The following SCFD2 variants were observed in gnomAD, a reference collection of about 807,000 sequenced individuals.
SCFD2 encodes the protein sec1 family domain containing 2.
A neutral mutation model predicts 58.9 loss-of-function variants in SCFD2; 54 were observed. That is an observed-to-expected ratio of 0.92 (90% CI 0.74 to 1.15). The LOEUF (loss-of-function observed/expected upper bound fraction) is 1.15, where lower values mean the gene tolerates loss of function less well. SCFD2 is among the 50% of genes most tolerant of loss of function. SCFD2 has a pLI of 0.00. For synonymous variants in SCFD2, 321 were observed against 335.9 expected (o/e 0.96, Z 0.49); for missense variants, 805 against 836.6 (o/e 0.96, Z 0.47).
At chr4:53,254,209 C>G (rs567660583) in intron 4 of SCFD2, among the ~76,000 whole-genome samples, 11 of 152,206 alleles carry the variant, frequency 7.2e-5, no homozygotes, top group African/African-American at 2.4e-4. Context: ...AATCGTAATC[C>G]CCATAATCCT....
intron 5 of SCFD2, among the ~76,000 whole-genome samples, chr4:52,996,956 G>A (rs1721753687): frequency 6.6e-6 from 1 of 152,234 alleles, no homozygotes; most frequent in Non-Finnish European, 1.5e-5. Flanking sequence ...TTGGTTGCAT[G>A]TGTGCATCTA....
intron 5 of SCFD2, among the ~76,000 whole-genome samples, chr4:52,953,331 T>C (rs1720642630): frequency 6.6e-6 from 1 of 152,202 alleles, no homozygotes; most frequent in Non-Finnish European, 1.5e-5. Context: ...TTTATGCCAA[T>C]GACTGTGATT....
intron 4 of SCFD2, among the ~76,000 whole-genome samples, chr4:53,252,423 C>T (rs1398314467): frequency 6.6e-6 from 1 of 151,618 alleles, no homozygotes; most frequent in African/African-American, 2.4e-5. Context: ...GCCCGCATCG[C>T]CAAGTCAATC....
At chr4:52,946,765 G>A (rs748542032) in intron 5 of SCFD2, among the ~76,000 whole-genome samples, 8 of 152,090 alleles carry the variant, frequency 5.3e-5, no homozygotes, top group African/African-American at 9.7e-5. Flanking sequence ...TAGAACAAAG[G>A]ATTAGCATTA....
At chr4:53,357,988 A>G (rs1734447941) in intron 1 of SCFD2, among the ~76,000 whole-genome samples, 1 of 152,220 alleles carries the variant, frequency 6.6e-6, no homozygotes, top group Non-Finnish European at 1.5e-5. Context: ...CTTCAGTTTC[A>G]TCCGTAAAAT....
At chr4:53,071,338 G>A (rs1463132369) in intron 5 of SCFD2, among the ~76,000 whole-genome samples, 1 of 152,102 alleles carries the variant, frequency 6.6e-6, no homozygotes, top group African/African-American at 2.4e-5. Context: ...GTCACTCACA[G>A]CTGAGCCTAA....
intron 6 of SCFD2, among the ~76,000 whole-genome samples, chr4:52,913,861 C>T (rs1719543277): frequency 6.6e-6 from 1 of 152,206 alleles, no homozygotes; most frequent in Non-Finnish European, 1.5e-5. Context: ...ATCACTTCCA[C>T]CGCAGTTCAT....
intron 4 of SCFD2, among the ~76,000 whole-genome samples, chr4:53,244,820 GAA>G (rs57139765): frequency 2.5e-5 from 3 of 118,818 alleles, no homozygotes; most frequent in African/African-American, 3.0e-5. Context: ...GGGTATTTCT[GAA>G]AAAAAAAAAT....
At chr4:53,063,849 G>T (rs1723582474) in intron 5 of SCFD2, among the ~76,000 whole-genome samples, 1 of 151,968 alleles carries the variant, frequency 6.6e-6, no homozygotes, top group Admixed American at 6.6e-5. Context: ...CTTGGAAGAG[G>T]GTACCACTGG....
chr4:53,025,797 A>T (rs1339856494), intron 5 of SCFD2, among the ~76,000 whole-genome samples: 1 of 152,166 alleles, frequency 6.6e-6, no homozygotes, highest in African/African-American at 2.4e-5. Flanking sequence ...ATTTAACTGG[A>T]GTCACCTCAT....
At chr4:53,250,598 A>G (rs1730327079) in intron 4 of SCFD2, among the ~76,000 whole-genome samples, 1 of 152,224 alleles carries the variant, frequency 6.6e-6, no homozygotes, top group African/African-American at 2.4e-5. Flanking sequence ...ACTCACTCAA[A>G]ACTGCTCAAC....
chr4:53,026,005 A>AT (rs1003873921), intron 5 of SCFD2, among the ~76,000 whole-genome samples: 15 of 149,640 alleles, frequency 1.0e-4, no homozygotes, highest in Non-Finnish European at 1.6e-4. Context: ...ACGGTTTTTC[A>AT]TTTTTTTTTT....
intron 5 of SCFD2, among the ~76,000 whole-genome samples, chr4:52,991,936 C>G (rs1721620341): frequency 6.6e-6 from 1 of 152,112 alleles, no homozygotes; most frequent in South Asian, 2.1e-4. Flanking sequence ...TACATTTCCC[C>G]AAGCAGCCTT....
intron 5 of SCFD2, among the ~76,000 whole-genome samples, chr4:53,038,794 T>A (rs1722826315): frequency 6.6e-6 from 1 of 151,506 alleles, no homozygotes. Flanking sequence ...GCTCAAGCAA[T>A]CCTCCCACCT....
intron 4 of SCFD2, among the ~76,000 whole-genome samples, chr4:53,171,325 G>A (rs1727171098): frequency 6.6e-6 from 1 of 152,108 alleles, no homozygotes; most frequent in African/African-American, 2.4e-5. Context: ...TTTTCGATTT[G>A]CATATATTGA....
At chr4:52,975,775 A>G (rs972452320) in intron 5 of SCFD2, among the ~76,000 whole-genome samples, 2 of 152,154 alleles carry the variant, frequency 1.3e-5, no homozygotes, top group Admixed American at 1.3e-4. Flanking sequence ...AACCAACTCA[A>G]ATGTCCAACA....
rs534960180 is a variant in SCFD2, at chr4:53,194,420, A to G, written c.1312-48838T>C. On this transcript the variant is annotated intron_variant, in intron 4 of 8. Transcript: ENST00000401642. ...TTTAGAACCTATAATTATATAAGTT[A>G]TTGCTAGCAGTACATTTGTGCCTCA... Among the ~76,000 whole-genome samples the G allele has an allele frequency of 1.8e-4, 28 of 152,306 alleles. No homozygotes were observed. In the South Asian group the frequency reaches 5.6e-3, roughly 30 times the overall value.
chr4:53,348,536 A>C (rs1734124759), intron 2 of SCFD2, among the ~76,000 whole-genome samples: 1 of 152,172 alleles, frequency 6.6e-6, no homozygotes, highest in Admixed American at 6.5e-5. Context: ...AATTGAAAAA[A>C]ACTACCATTT....
intron 5 of SCFD2, among the ~76,000 whole-genome samples, chr4:53,032,278 T>C (rs914855962): frequency 1.8e-4 from 27 of 152,062 alleles, no homozygotes; most frequent in Middle Eastern, 3.4e-3. Context: ...TTACAAGAGC[T>C]CCTGAAGGAA....
Sources: allele counts gnomAD v4.1 joint callset (sites outside exome capture counted in the v4.1 genomes callset), GRCh38; gene constraint gnomAD v4.1.1; transcripts MANE v1.5; gene names NCBI Gene and HGNC (gene_info 2026-07-23, HGNC 2026-07-21).